The following EFR3B variants were observed in gnomAD, a reference collection of about 807,000 sequenced individuals.
EFR3B encodes protein EFR3 homolog B.
Under a neutral mutation model 104.7 loss-of-function variants are expected in EFR3B, and 64 were observed. That is an observed-to-expected ratio of 0.61 (90% CI 0.50 to 0.75). The LOEUF (loss-of-function observed/expected upper bound fraction) is 0.75. Ranked by LOEUF, EFR3B falls within the 30% of genes least tolerant of loss-of-function variation. The pLI, the probability that EFR3B is intolerant of heterozygous loss-of-function variation, is 0.00. For synonymous variants in EFR3B, 385 were observed against 417.9 expected, an observed-to-expected ratio of 0.92 and a Z score of 0.96; for missense variants, 750 against 1,078.5, an observed-to-expected ratio of 0.70 and a Z score of 4.27.
At chr2:25,075,898 G>A (rs577568346) in intron 1 of EFR3B, among the ~76,000 whole-genome samples, 3 of 152,180 alleles carry the variant, frequency 2.0e-5, no homozygotes, top group East Asian at 1.9e-4. Flanking sequence ...CCTTGTCCTC[G>A]GGTAGGGTCT....
chr2:25,137,249 GCCC>G lies in EFR3B; in HGVS notation c.1561-88_1561-86del. 1 of 1,421,024 alleles carries G rather than the reference GCCC, an allele frequency of 7.0e-7. No individual in the cohort carries two copies. Among genetic ancestry groups the G allele is most frequent in the Non-Finnish European group, 9.5e-7 (1 of 1,047,356 alleles). 88.0% of individuals were successfully genotyped at this position (1,421,024 alleles called of 1,614,324 possible). On this transcript the variant is annotated intron_variant, in intron 14 of 22. Coordinates refer to ENST00000403714, the MANE Select transcript of EFR3B (RefSeq NM_014971.2). This position sits in a 1 kb window ranked among gnomAD's most constrained non-coding sequence, Gnocchi z 4.7. ...GGAGGAGGGGGCACACAGCCATCCTGCCCCCCTTCAGATTGGTCTTCCTCCGTG... is the reference window on the plus strand; with the variant it reads ...GGAGGAGGGGGCACACAGCCATCCTGCCCTTCAGATTGGTCTTCCTCCGTG...
At chr2:25,067,860 A>G (rs1459337573) in intron 1 of EFR3B, among the ~76,000 whole-genome samples, 4 of 151,988 alleles carry the variant, frequency 2.6e-5, no homozygotes, top group Admixed American at 1.3e-4. Flanking sequence ...TGGAAAAAAA[A>G]ATAGAGATGG....
chr2:25,106,198 G>A (rs1669557456), intron 4 of EFR3B, among the ~76,000 whole-genome samples: 1 of 152,146 alleles, frequency 6.6e-6, no homozygotes, highest in South Asian at 2.1e-4. Context: ...GTCTTCACAG[G>A]GATTCAGGGC....
chr2:25,143,703 C>G, intron 17 of EFR3B, 32 bp from the exon 18 acceptor site: 4 of 1,550,732 alleles, frequency 2.6e-6, no homozygotes, highest in Non-Finnish European at 3.5e-6. Context: ...TACCGCGGTT[C>G]TAACGAACTT....
Position 25,069,981 on chromosome 2 carries a change from G to C in EFR3B, c.8-21344G>C, listed in dbSNP as rs560360777. ...CAAAGTGCTGGGATTACAGGCCTGA[G>C]CCCCCACACCCAGCCAGGGTTGTAA... On this transcript the variant is annotated intron_variant, in intron 1 of 22. Transcript: ENST00000403714. Among the ~76,000 whole-genome samples the C allele has an allele frequency of 1.2e-4, 18 of 152,314 alleles. No homozygotes were observed. The East Asian group carries it at 3.3e-3, about 28-fold the overall frequency.
Position 25,155,395 on chromosome 2 carries a change from ACT to A in EFR3B, c.*1060_*1061del, listed in dbSNP as rs1321756909. Reference sequence around the variant, plus strand: ...CACCTAATATTGGAATGATTTCTTCACTCTCTGGACAAAGTCTGGGACATCAG... The same window carrying A: ...CACCTAATATTGGAATGATTTCTTCACTCTGGACAAAGTCTGGGACATCAG... On this transcript the variant is annotated 3_prime_UTR_variant, in exon 23 of 23. Coordinates refer to ENST00000403714, the MANE Select transcript of EFR3B (RefSeq NM_014971.2). 1 of 152,044 alleles carries A rather than the reference ACT, an allele frequency of 6.6e-6. No homozygotes were observed. The highest frequency in any genetic ancestry group is 6.6e-5 in the Admixed American group (1 of 15,260). 9.4% of individuals were successfully genotyped at this position (152,044 alleles called of 1,614,324 possible).
rs1328800989 is a variant in EFR3B at position 25,136,703 on chromosome 2, G to T, written c.1560+105G>T. 5 of 955,676 alleles carry T rather than the reference G, an allele frequency of 5.2e-6. No individual in the cohort carries two copies. The highest frequency in any genetic ancestry group is 5.4e-5 in the East Asian group (2 of 36,956). 59.2% of individuals were successfully genotyped at this position (955,676 alleles called of 1,614,324 possible). Reference sequence around the variant, plus strand: ...GAGGCGGGCGGATAGATCACTTGAGGTGGGGAGCTCGAGACCAGCCAGACC... The same window carrying T: ...GAGGCGGGCGGATAGATCACTTGAGTTGGGGAGCTCGAGACCAGCCAGACC... On this transcript the variant is annotated intron_variant, in intron 14 of 22. Coordinates refer to ENST00000403714, the MANE Select transcript of EFR3B (RefSeq NM_014971.2). The surrounding 1 kb of genome is among the most constrained non-coding windows in gnomAD (Gnocchi z 4.0).
At chr2:25,152,863 T>A (rs1026444111) in intron 21 of EFR3B, among the ~76,000 whole-genome samples, 3 of 151,910 alleles carry the variant, frequency 2.0e-5, no homozygotes, top group African/African-American at 7.3e-5. Flanking sequence ...ACATATAGAT[T>A]TTCCTGGGCC....
chr2:25,047,301 C>G (rs1403256151), intron 1 of EFR3B, among the ~76,000 whole-genome samples: 1 of 152,044 alleles, frequency 6.6e-6, no homozygotes, highest in African/African-American at 2.4e-5. Context: ...ACCAAGAACC[C>G]CACAGCCTGG....
At position 25,131,364 on chromosome 2, in the gene EFR3B, G is replaced by T. The variant is rs777353572; in HGVS notation, c.850-4G>T. On this transcript the variant is annotated splice_polypyrimidine_tract_variant and splice_region_variant and intron_variant, in intron 8 of 22. Transcript: ENST00000403714. This position sits in a 1 kb window ranked among gnomAD's most constrained non-coding sequence, Gnocchi z 7.6. ...TCCAGGCCCAGCTCATCTTCCTCCCGCAGCCGCAGCACTCACACCTGGTCA... is the reference window on the plus strand; with the variant it reads ...TCCAGGCCCAGCTCATCTTCCTCCCTCAGCCGCAGCACTCACACCTGGTCA... The T allele has an allele frequency of 2.6e-6, 4 of 1,549,694 alleles. No individual in the cohort carries two copies. The East Asian group carries it at 9.8e-5, about 38-fold the overall frequency.
chr2:25,070,777 C>T (rs1668472334), intron 1 of EFR3B, among the ~76,000 whole-genome samples: 1 of 152,050 alleles, frequency 6.6e-6, no homozygotes, highest in Non-Finnish European at 1.5e-5. Flanking sequence ...AGATGGAGGG[C>T]GCAGAGGCTC....
Position 25,154,161 on chromosome 2 carries a change from T to G in EFR3B, c.2349-74T>G. The G allele has an allele frequency of 2.2e-6, 3 of 1,375,470 alleles. No homozygotes were observed. The highest frequency in any genetic ancestry group is 3.0e-6 in the Non-Finnish European group (3 of 991,736). 85.2% of individuals were successfully genotyped at this position (1,375,470 alleles called of 1,614,324 possible). ...AAAAAGAAACCCAAGTCACCTACTC[T>G]GTTTGGTTGCACAAGGGTGGGATCC... is the stretch of plus-strand genomic sequence containing the variant. On this transcript the variant is annotated intron_variant, in intron 22 of 22. Coordinates refer to ENST00000403714, the MANE Select transcript of EFR3B (RefSeq NM_014971.2). This position sits in a 1 kb window ranked among gnomAD's most constrained non-coding sequence, Gnocchi z 4.1.
At chr2:25,151,826 A>C in intron 20 of EFR3B, 88 bp from the exon 21 acceptor site, 1 of 1,415,388 alleles carries the variant, frequency 7.1e-7, no homozygotes. Flanking sequence ...GAGCCCAAGC[A>C]ATGCTCATGG....
chr2:25,045,231 G>A (rs1020021576), intron 1 of EFR3B, among the ~76,000 whole-genome samples: 1 of 152,080 alleles, frequency 6.6e-6, no homozygotes, highest in African/African-American at 2.4e-5. Flanking sequence ...CTGTGCCAGT[G>A]CCAAGCCGCT....
intron 1 of EFR3B, among the ~76,000 whole-genome samples, chr2:25,043,420 A>T (rs1667628362): frequency 6.6e-6 from 1 of 152,132 alleles, no homozygotes; most frequent in Admixed American, 6.5e-5. Context: ...TGAGTCACAA[A>T]GTTTGTTAGA....
chr2:25,091,387 C>G lies in EFR3B; in HGVS notation c.70C>G (p.Pro24Ala). The change falls in exon 2 of 23, where the codon CCT becomes GCT. Residue 24 changes from proline (P) to alanine (A), a missense_variant. Coordinates refer to ENST00000403714, the MANE Select transcript of EFR3B (RefSeq NM_014971.2). Reference protein sequence around the residue: ...RYKRLVDNIFPEDPEDGLVKT... With the variant: ...RYKRLVDNIFAEDPEDGLVKT... ...CAAAAGGCTGGTTGACAACATCTTC[C>G]CTGAGGATCCCGAGGTGGGTCATGT... is the stretch of plus-strand genomic sequence containing the variant. 6.5e-7 allele frequency: 1 copy of G among 1,550,070 alleles called. No individual in the cohort carries two copies. Among genetic ancestry groups the G allele is most frequent in the Non-Finnish European group, 8.7e-7 (1 of 1,146,344 alleles).
intron 1 of EFR3B, among the ~76,000 whole-genome samples, chr2:25,090,463 C>A (rs915356004): frequency 4.6e-5 from 7 of 152,230 alleles, no homozygotes; most frequent in African/African-American, 2.4e-5. Flanking sequence ...CTTCACAGAA[C>A]CAAAACATGA....
intron 5 of EFR3B, among the ~76,000 whole-genome samples, chr2:25,124,277 AGTGTGTGTGTGTGT>A (rs5829961): frequency 0.025 from 3,117 of 124,830 alleles, 69 homozygotes; most frequent in African/African-American, 0.057. Flanking sequence ...TGTGCATGCA[AGTGTGTGTGTGTGT>A]GTGTGTGTGT....
At chr2:25,086,500 C>T (rs1263767704) in intron 1 of EFR3B, among the ~76,000 whole-genome samples, 2 of 152,144 alleles carry the variant, frequency 1.3e-5, no homozygotes, top group Non-Finnish European at 2.9e-5. Context: ...ATTTACATTT[C>T]CTGGATGACA....
Sources: gnomAD v4.1 joint callset for allele counts (sites outside exome capture counted in the v4.1 genomes callset) on GRCh38, gnomAD v4.1.1 for gene constraint, Gnocchi (gnomAD v3.1) non-coding constraint, MANE v1.5 for transcripts, NCBI Gene and HGNC (gene_info 2026-07-23, HGNC 2026-07-21) for gene names.